Variants in ADAM32 observed in about 807,000 individuals in gnomAD.
ADAM32 encodes the protein ADAM metallopeptidase domain 32.
A neutral mutation model predicts 114.9 loss-of-function variants in ADAM32; 89 were observed. The observed-to-expected ratio is 0.77, with a 90% CI of 0.65 to 0.92. The LOEUF (loss-of-function observed/expected upper bound fraction) is 0.92, where lower values mean the gene tolerates loss of function less well. Ranked by LOEUF, ADAM32 falls within the 40% of genes least tolerant of loss-of-function variation. ADAM32 has a pLI of 0.00. For synonymous variants in ADAM32, 285 were observed against 307.5 expected (o/e 0.93, Z 0.77); for missense variants, 870 against 932.8 (o/e 0.93, Z 0.88).
intron 17 of ADAM32, among the ~76,000 whole-genome samples, chr8:39,247,603 G>T (rs1022691979): frequency 6.6e-6 from 1 of 151,914 alleles, no homozygotes; most frequent in African/African-American, 2.4e-5. Flanking sequence ...TGTATCTGAT[G>T]TGTCTTTTGC....
chr8:39,195,912 A>G (rs1806951475), intron 11 of ADAM32, among the ~76,000 whole-genome samples: 1 of 152,106 alleles, frequency 6.6e-6, no homozygotes, highest in South Asian at 2.1e-4. Flanking sequence ...ATTTTGTTGG[A>G]TCTGTAGATC....
intron 6 of ADAM32, among the ~76,000 whole-genome samples, chr8:39,155,628 C>G (rs1804095775): frequency 6.6e-6 from 1 of 152,186 alleles, no homozygotes; most frequent in East Asian, 1.9e-4. Flanking sequence ...AAAGAGATGT[C>G]TAAGCCATAC....
chr8:39,112,656 T>C (rs1357380013), intron 1 of ADAM32, among the ~76,000 whole-genome samples: 1 of 152,162 alleles, frequency 6.6e-6, no homozygotes, highest in African/African-American at 2.4e-5. Flanking sequence ...CATTCCCCCA[T>C]TCATTTGAAA....
intron 18 of ADAM32, 101 bp from the exon 19 acceptor site, chr8:39,257,086 C>G (rs1811692723): frequency 8.7e-7 from 1 of 1,151,884 alleles, no homozygotes; most frequent in South Asian, 1.8e-5. Flanking sequence ...CCTTGAATAA[C>G]AATACAAATT....
At chr8:39,254,877 C>T (rs1463177071) in intron 18 of ADAM32, among the ~76,000 whole-genome samples, 1 of 151,788 alleles carries the variant, frequency 6.6e-6, no homozygotes. Flanking sequence ...TATCCTTCCC[C>T]TCAATACCCC....
At chr8:39,273,525 T>TTAAAAAAA (rs1415396970) in intron 20 of ADAM32, among the ~76,000 whole-genome samples, 1 of 117,188 alleles carries the variant, frequency 8.5e-6, no homozygotes, top group Admixed American at 8.2e-5. Context: ...AGACTCCACC[T>TTAAAAAAA]CAAAAAACAA....
At chr8:39,118,865 G>A (rs1840483203) in intron 2 of ADAM32, among the ~76,000 whole-genome samples, 1 of 152,138 alleles carries the variant, frequency 6.6e-6, no homozygotes, top group African/African-American at 2.4e-5. Flanking sequence ...CAGTCCAGTT[G>A]TAGAATGTTG....
intron 14 of ADAM32, chr8:39,223,524 TTGTA>T (rs1182519256): frequency 1.1e-5 from 2 of 174,596 alleles, no homozygotes; most frequent in African/African-American, 4.7e-5. Context: ...TTGACAAAAA[TTGTA>T]TGTATGTTTT....
intron 15 of ADAM32, among the ~76,000 whole-genome samples, chr8:39,232,499 C>T (rs1337277384): frequency 6.6e-6 from 1 of 152,094 alleles, no homozygotes; most frequent in Non-Finnish European, 1.5e-5. Context: ...ATCTGAAGAG[C>T]CAGGTTTTTG....
At chr8:39,209,313 G>C (rs1808057596) in intron 11 of ADAM32, among the ~76,000 whole-genome samples, 1 of 151,952 alleles carries the variant, frequency 6.6e-6, no homozygotes, top group African/African-American at 2.4e-5. Flanking sequence ...CAGGAATTCT[G>C]CTTGATTTTT....
At chr8:39,125,043 A>G (rs1027429759) in intron 2 of ADAM32, among the ~76,000 whole-genome samples, 3 of 152,090 alleles carry the variant, frequency 2.0e-5, no homozygotes, top group African/African-American at 7.2e-5. Context: ...CACCATTCTA[A>G]CTAGTGTAAG....
At chr8:39,206,178 G>A (rs1212116976) in intron 11 of ADAM32, among the ~76,000 whole-genome samples, 2 of 152,214 alleles carry the variant, frequency 1.3e-5, no homozygotes, top group Non-Finnish European at 2.9e-5. Flanking sequence ...GAGTTCCCCA[G>A]TAGCTTGGTC....
At chr8:39,210,572 T>A (rs1168470516) in intron 11 of ADAM32, among the ~76,000 whole-genome samples, 1 of 152,302 alleles carries the variant, frequency 6.6e-6, no homozygotes, top group South Asian at 2.1e-4. Flanking sequence ...AAATCAGTAA[T>A]GAAATCTGGC....
At chr8:39,279,346 G>A (rs745410508) in intron 22 of ADAM32, among the ~76,000 whole-genome samples, 4 of 151,990 alleles carry the variant, frequency 2.6e-5, no homozygotes, top group South Asian at 2.1e-4. Context: ...ATGCAGTGGC[G>A]CGAGCTCAGC....
intron 17 of ADAM32, among the ~76,000 whole-genome samples, chr8:39,254,042 G>A (rs181884697): frequency 6.6e-6 from 1 of 151,620 alleles, no homozygotes; most frequent in Admixed American, 6.6e-5. Flanking sequence ...GACATATAAA[G>A]CGATGGATGA....
At chr8:39,118,525 A>C (rs34382496) in intron 2 of ADAM32, among the ~76,000 whole-genome samples, 36,208 of 152,064 alleles carry the variant, frequency 0.24, 4,422 homozygotes, top group South Asian at 0.31. Context: ...CTCCACCCCT[A>C]CACCTAGCAA....
chr8:39,277,045 T>C (rs967005416), intron 22 of ADAM32, among the ~76,000 whole-genome samples: 4 of 133,622 alleles, frequency 3.0e-5, no homozygotes, highest in Admixed American at 2.1e-4. Context: ...CAAAGGTACA[T>C]AGACAAATCT....
At chr8:39,274,492 G>T (rs1812952616) in intron 21 of ADAM32, 142 bp downstream of exon 21, 1 of 861,746 alleles carries the variant, frequency 1.2e-6, no homozygotes, top group Non-Finnish European at 1.8e-6. Flanking sequence ...ATATACAGTT[G>T]AATTTAGTTT....
At chr8:39,279,296 T>C (rs1813278379) in intron 22 of ADAM32, among the ~76,000 whole-genome samples, 1 of 152,234 alleles carries the variant, frequency 6.6e-6, no homozygotes, top group South Asian at 2.1e-4. Flanking sequence ...TCGTCTTTTA[T>C]TTATTTTTTT....
Sources: gnomAD v4.1 joint callset for allele counts (sites outside exome capture counted in the v4.1 genomes callset) on GRCh38, gnomAD v4.1.1 for gene constraint, MANE v1.5 for transcripts, NCBI Gene and HGNC (gene_info 2026-07-23, HGNC 2026-07-21) for gene names.